The following PCDH15 variants were observed in gnomAD, a reference collection of about 807,000 sequenced individuals.
PCDH15 encodes the protein protocadherin related 15.
A neutral mutation model predicts 178.5 loss-of-function variants in PCDH15; 129 were observed. The ratio of observed to expected loss-of-function variants is 0.72; its 90% CI spans 0.63 to 0.84. The LOEUF is 0.84. Ranked by LOEUF, PCDH15 falls within the 40% of genes least tolerant of loss-of-function variation. The probability of loss-of-function intolerance (pLI) is 0.00; values close to 1 mark genes in which losing one functional copy is unlikely to be tolerated. For missense variants in PCDH15, 2,230 were observed against 2,099.9 expected, an observed-to-expected ratio of 1.06 and a Z score of -1.21; for synonymous variants, 800 against 732.0, an observed-to-expected ratio of 1.09 and a Z score of -1.50.
At chr10:55,622,981 G>A (rs1235092870) in intron 2 of PCDH15, among the ~76,000 whole-genome samples, 9 of 152,152 alleles carry the variant, frequency 5.9e-5, no homozygotes, top group African/African-American at 2.2e-4. Flanking sequence ...CATCTAACAT[G>A]TGTTTGACAT....
intron 2 of PCDH15, among the ~76,000 whole-genome samples, chr10:55,494,965 C>A (rs568282846): frequency 5.3e-5 from 8 of 151,670 alleles, no homozygotes; most frequent in South Asian, 4.2e-4. Context: ...TATAAATAAG[C>A]CTTAGTATTT....
chr10:54,206,198 T>C (rs576508519), intron 10 of PCDH15, among the ~76,000 whole-genome samples: 1 of 152,266 alleles, frequency 6.6e-6, no homozygotes, highest in South Asian at 2.1e-4. Flanking sequence ...AAAATCTTTC[T>C]TTTTGCTTAG....
intron 28 of PCDH15, among the ~76,000 whole-genome samples, chr10:53,843,034 TA>T (rs1354179749): frequency 2.0e-5 from 3 of 151,836 alleles, no homozygotes; most frequent in Admixed American, 6.6e-5. Flanking sequence ...ATCATTTCAC[TA>T]AAAAAAATAG....
intron 1 of PCDH15, among the ~76,000 whole-genome samples, chr10:54,731,563 TACACACACACACACACACACACACACAC>T (rs1159070523): frequency 7.6e-4 from 38 of 49,828 alleles, no homozygotes; most frequent in South Asian, 1.8e-3. Context: ...TATATATATA[TACACACACACACACACACACACACACAC>T]ACATATATAT....
rs545403571 is a variant in PCDH15, at chr10:55,053,283, A to G, written c.-80+113293T>C. Among the ~76,000 whole-genome samples the G allele has an allele frequency of 2.0e-5, 3 of 152,304 alleles. No homozygotes were observed. The South Asian group carries it at 6.2e-4, about 32-fold the overall frequency. ...CAAAGTAGTGCTCTGAAGGTCTAGAAGGGGTTCAAGTCTCAATTTCACAGC... is the reference window on the plus strand; with the variant it reads ...CAAAGTAGTGCTCTGAAGGTCTAGAGGGGGTTCAAGTCTCAATTTCACAGC... On this transcript the variant is annotated intron_variant, in intron 2 of 5. Transcript: ENST00000458638.
intron 2 of PCDH15, among the ~76,000 whole-genome samples, chr10:54,592,176 T>C (rs1449279985): frequency 6.6e-6 from 1 of 152,168 alleles, no homozygotes; most frequent in East Asian, 1.9e-4. Flanking sequence ...ATATTCAAAC[T>C]AGCAATATGC....
intron 28 of PCDH15, among the ~76,000 whole-genome samples, chr10:53,846,414 TACAA>T (rs1191594513): frequency 6.6e-6 from 1 of 151,942 alleles, no homozygotes; most frequent in African/African-American, 2.4e-5. Context: ...ATATAGCTAA[TACAA>T]ACATTTTATG....
At chr10:54,481,280 C>T (rs768866969) in intron 3 of PCDH15, among the ~76,000 whole-genome samples, 1 of 151,636 alleles carries the variant, frequency 6.6e-6, no homozygotes, top group Non-Finnish European at 1.5e-5. Context: ...TATATGCTTA[C>T]TGCATTTTAA....
chr10:54,707,154 A>G (rs1321410751), intron 1 of PCDH15, among the ~76,000 whole-genome samples: 2 of 152,214 alleles, frequency 1.3e-5, no homozygotes, highest in Non-Finnish European at 2.9e-5. Context: ...CCTAAGCTAC[A>G]GAACCTAGAG....
intron 15 of PCDH15, among the ~76,000 whole-genome samples, chr10:54,095,952 A>C (rs1185362178): frequency 6.6e-6 from 1 of 152,176 alleles, no homozygotes; most frequent in Non-Finnish European, 1.5e-5. Context: ...AATATTCAAA[A>C]TGACGCATCC....
In PCDH15 at chr10:54,141,720, G is replaced by T. The variant is rs369310729; in HGVS notation, c.1785-8713C>A. Among the ~76,000 whole-genome samples the T allele has an allele frequency of 3.3e-5, 5 of 152,228 alleles. No homozygotes were observed. In the East Asian group the frequency reaches 5.8e-4, roughly 18 times the overall value. Reference sequence around the variant, plus strand: ...ATTGTGACACTTTGTTGTAATTTTTGATCCAAATCCATTTATCTCTGATGG... The same window carrying T: ...ATTGTGACACTTTGTTGTAATTTTTTATCCAAATCCATTTATCTCTGATGG... On this transcript the variant is annotated intron_variant, in intron 14 of 37. Coordinates refer to ENST00000644397, the MANE Select transcript of PCDH15 (RefSeq NM_001384140.1).
At position 54,500,441 on chromosome 10, in the gene PCDH15, A is replaced by T. The variant is rs977368417; in HGVS notation, c.157+27371T>A. ...ACCTGTACATGTATCCCATGAACCTAAAAGTTGAGAATAGAAAAAAACAAA... is the reference window on the plus strand; with the variant it reads ...ACCTGTACATGTATCCCATGAACCTTAAAGTTGAGAATAGAAAAAAACAAA... On this transcript the variant is annotated intron_variant, in intron 3 of 37. Coordinates refer to ENST00000644397, the MANE Select transcript of PCDH15 (RefSeq NM_001384140.1). 2.6e-5 allele frequency among the ~76,000 whole-genome samples: 4 copies of T among 152,262 alleles called. No individual in the cohort carries two copies. The East Asian group carries it at 5.8e-4, about 22-fold the overall frequency.
intron 2 of PCDH15, among the ~76,000 whole-genome samples, chr10:54,615,608 A>G (rs1477767280): frequency 6.6e-6 from 1 of 152,062 alleles, no homozygotes; most frequent in Admixed American, 6.6e-5. Context: ...GAGACAAATA[A>G]GACACTGTCT....
intron 3 of PCDH15, among the ~76,000 whole-genome samples, chr10:54,392,664 TGAG>T (rs1247274408): frequency 6.6e-6 from 1 of 151,712 alleles, no homozygotes; most frequent in African/African-American, 2.4e-5. Context: ...TTTGGGAGGC[TGAG>T]GTGGGAGGAT....
intron 2 of PCDH15, among the ~76,000 whole-genome samples, chr10:55,442,481 TTATA>T (rs1554869633): frequency 8.1e-5 from 10 of 123,054 alleles, no homozygotes; most frequent in African/African-American, 2.0e-4. Flanking sequence ...TATATATATA[TTATA>T]TATATATATA....
chr10:53,885,457 C>CT (rs924885306), intron 26 of PCDH15, among the ~76,000 whole-genome samples: 4 of 152,088 alleles, frequency 2.6e-5, no homozygotes, highest in Non-Finnish European at 4.4e-5. Context: ...ACTGATACTG[C>CT]TTGAAGACTG....
intron 16 of PCDH15, among the ~76,000 whole-genome samples, chr10:54,081,380 A>G (rs2094435248): frequency 6.6e-6 from 1 of 152,060 alleles, no homozygotes; most frequent in African/African-American, 2.4e-5. Context: ...CAAAAATACT[A>G]TATGCCGTGA....
At position 54,369,412 on chromosome 10, in the gene PCDH15, C is replaced by A. The variant is rs1409121569; in HGVS notation, c.319-137G>T. 3.6e-6 allele frequency: 3 copies of A among 827,846 alleles called. No homozygotes were observed. In the East Asian group the frequency reaches 8.1e-5, roughly 22 times the overall value. 51.3% of individuals were successfully genotyped at this position (827,846 alleles called of 1,614,324 possible). ...TTATAATAATCTCAAAGAAAATGATCATTTTAAGGACAAGAGAAGACAATC... is the reference window on the plus strand; with the variant it reads ...TTATAATAATCTCAAAGAAAATGATAATTTTAAGGACAAGAGAAGACAATC... On this transcript the variant is annotated intron_variant, in intron 4 of 37. Coordinates refer to ENST00000644397, the MANE Select transcript of PCDH15 (RefSeq NM_001384140.1).
At chr10:55,414,286 G>T (rs1481241118) in intron 2 of PCDH15, among the ~76,000 whole-genome samples, 1 of 151,554 alleles carries the variant, frequency 6.6e-6, no homozygotes, top group African/African-American at 2.4e-5. Flanking sequence ...TATTAGGTGT[G>T]TAGGTTGGTA....
Sources: allele counts gnomAD v4.1 joint callset (sites outside exome capture counted in the v4.1 genomes callset), GRCh38; gene constraint gnomAD v4.1.1; transcripts MANE v1.5; gene names NCBI Gene and HGNC (gene_info 2026-07-23, HGNC 2026-07-21).